PCDH7: variants seen among roughly 807,000 people sequenced by gnomAD.
PCDH7 encodes the protein protocadherin 7, also known as protocadherin-7.
A neutral mutation model predicts 58.9 loss-of-function variants in PCDH7; 17 were observed. That is an observed-to-expected ratio of 0.29 (90% CI 0.20 to 0.43). The LOEUF is 0.43. Among genes scored for constraint, PCDH7 ranks in the 20% least tolerant of loss-of-function variants. The pLI is 1.00. For synonymous variants in PCDH7, 664 were observed against 616.4 expected, an observed-to-expected ratio of 1.08 and a Z score of -1.14; for missense variants, 1,274 against 1,441.0, an observed-to-expected ratio of 0.88 and a Z score of 1.88.
chr4:31,052,583 T>TA lies in PCDH7; in HGVS notation c.*8-89885dup, dbSNP rs150423406. Among the ~76,000 whole-genome samples, 196 of 152,202 alleles carry TA rather than the reference T, an allele frequency of 1.3e-3. 1 individual carries two copies. The East Asian group carries it at 0.035, about 28-fold the overall frequency. On this transcript the variant is annotated intron_variant, in intron 3 of 3. Transcript: ENST00000509759. The stretch of plus-strand genomic sequence containing the variant: ...TTCACCCTCAAGACACTGTCCCAAA[T>TA]AAAAATGGCTCTTTAAGAAATAAAA...
At chr4:30,912,524 CT>C (rs1282387572) in intron 1 of PCDH7, among the ~76,000 whole-genome samples, 3 of 152,100 alleles carry the variant, frequency 2.0e-5, no homozygotes, top group African/African-American at 7.2e-5. Flanking sequence ...ATAAAAAAGC[CT>C]TTTCAGCCCA....
chr4:30,807,134 T>G (rs1387343126), intron 1 of PCDH7, among the ~76,000 whole-genome samples: 1 of 152,192 alleles, frequency 6.6e-6, no homozygotes, highest in Non-Finnish European at 1.5e-5. Context: ...AATTGAGCAG[T>G]TATCCTTTTC....
In PCDH7 at chr4:30,908,503, C is replaced by A. The variant is rs73214940; in HGVS notation, c.71-11650C>A. On this transcript the variant is annotated intron_variant, in intron 1 of 3. Transcript: ENST00000509759. ...TATTTTTGTCTCTCAGAATGTCACA[C>A]AACAAAGATTAAATCAACTAGAAAA... 5.6e-3 allele frequency among the ~76,000 whole-genome samples: 846 copies of A among 152,142 alleles called. 5 individuals carry two copies. Among genetic ancestry groups the A allele is most frequent in the Middle Eastern group, 0.017 (5 of 294 alleles).
intron 3 of PCDH7, among the ~76,000 whole-genome samples, chr4:30,985,318 ATTAT>A (rs1750879269): frequency 1.3e-5 from 2 of 152,118 alleles, no homozygotes; most frequent in African/African-American, 4.8e-5. Flanking sequence ...AGATCTACTA[ATTAT>A]TTATTAGATT....
At chr4:31,101,532 A>G (rs1222550024) in intron 3 of PCDH7, among the ~76,000 whole-genome samples, 1 of 152,178 alleles carries the variant, frequency 6.6e-6, no homozygotes, top group African/African-American at 2.4e-5. Context: ...AACAATTGCC[A>G]TATCTGTCTG....
At chr4:30,766,859 A>C (rs1476687840) in intron 1 of PCDH7, among the ~76,000 whole-genome samples, 1 of 152,130 alleles carries the variant, frequency 6.6e-6, no homozygotes, top group Non-Finnish European at 1.5e-5. Flanking sequence ...AAATTGCAAT[A>C]TTTTAGAATT....
At chr4:30,975,142 A>AG (rs1243940236) in intron 3 of PCDH7, among the ~76,000 whole-genome samples, 254 of 74,604 alleles carry the variant, frequency 3.4e-3, no homozygotes, top group South Asian at 0.014. Context: ...CTTCCCTTTC[A>AG]TTGTGTGTGT....
At chr4:30,749,541 T>C (rs1329274205) in intron 1 of PCDH7, among the ~76,000 whole-genome samples, 1 of 152,174 alleles carries the variant, frequency 6.6e-6, no homozygotes, top group Non-Finnish European at 1.5e-5. Flanking sequence ...GTGGTCTTTT[T>C]TCTGTAGAAG....
intron 1 of PCDH7, among the ~76,000 whole-genome samples, chr4:30,834,738 T>A (rs1730253934): frequency 1.3e-5 from 2 of 152,060 alleles, no homozygotes. Context: ...TCCCTTTGCA[T>A]AGTCATATGT....
chr4:30,987,727 T>C (rs1254563395), intron 3 of PCDH7: 1 of 152,118 alleles, frequency 6.6e-6, no homozygotes, highest in Non-Finnish European at 1.5e-5. Context: ...ATTTCTGATA[T>C]ATTTTTGGAA....
intron 3 of PCDH7, among the ~76,000 whole-genome samples, chr4:31,106,567 G>A (rs1715606515): frequency 6.6e-6 from 1 of 152,178 alleles, no homozygotes; most frequent in South Asian, 2.1e-4. Flanking sequence ...ATTGGGTTCT[G>A]GGCTAAAAGT....
At chr4:30,970,210 AGT>A (rs1365538296) in intron 3 of PCDH7, among the ~76,000 whole-genome samples, 1 of 152,208 alleles carries the variant, frequency 6.6e-6, no homozygotes, top group Non-Finnish European at 1.5e-5. Flanking sequence ...TACACAACAA[AGT>A]GTGACAAAGT....
At chr4:31,003,188 C>CG (rs1201327639) in intron 3 of PCDH7, among the ~76,000 whole-genome samples, 1 of 152,024 alleles carries the variant, frequency 6.6e-6, no homozygotes, top group Non-Finnish European at 1.5e-5. Flanking sequence ...AGCATACTTT[C>CG]ATTTAAATAT....
chr4:31,008,734 G>GT (rs1329188056), intron 3 of PCDH7, among the ~76,000 whole-genome samples: 2 of 152,008 alleles, frequency 1.3e-5, no homozygotes, highest in African/African-American at 2.4e-5. Context: ...TGCCTGCCAT[G>GT]TTTTTTTGTC....
chr4:30,885,910 GC>G (rs1216656381), intron 1 of PCDH7, among the ~76,000 whole-genome samples: 1 of 152,156 alleles, frequency 6.6e-6, no homozygotes, highest in African/African-American at 2.4e-5. Flanking sequence ...GGGAAAACTG[GC>G]TGGCCATATG....
chr4:30,893,949 G>A (rs373986496), intron 1 of PCDH7, among the ~76,000 whole-genome samples: 3 of 152,054 alleles, frequency 2.0e-5, no homozygotes, highest in African/African-American at 7.2e-5. Flanking sequence ...GGTACAGGGA[G>A]GCCACCAATG....
chr4:30,875,149 C>T (rs1318493135), intron 1 of PCDH7, among the ~76,000 whole-genome samples: 1 of 152,078 alleles, frequency 6.6e-6, no homozygotes, highest in Non-Finnish European at 1.5e-5. Flanking sequence ...AATCCAAAAT[C>T]AAGGTGGTTG....
At chr4:31,140,147 T>C (rs1720071196) in intron 3 of PCDH7, among the ~76,000 whole-genome samples, 1 of 152,170 alleles carries the variant, frequency 6.6e-6, no homozygotes, top group Admixed American at 6.5e-5. Context: ...GTAGGTAGTT[T>C]AGGTACACAA....
intron 3 of PCDH7, among the ~76,000 whole-genome samples, chr4:31,012,384 A>G (rs187733424): frequency 5.0e-5 from 7 of 139,436 alleles, no homozygotes; most frequent in African/African-American, 1.7e-4. Context: ...AGATGTCTCA[A>G]TTTTCATTAC....
Sources: allele counts gnomAD v4.1 joint callset (sites outside exome capture counted in the v4.1 genomes callset), GRCh38; gene constraint gnomAD v4.1.1; transcripts MANE v1.5; gene names NCBI Gene and HGNC (gene_info 2026-07-23, HGNC 2026-07-21).